CSMD1: variants seen among roughly 807,000 people sequenced by gnomAD.
CSMD1 encodes CUB and Sushi multiple domains 1.
In CSMD1, 213 loss-of-function variants were observed where a neutral mutation model predicts 417.5. The ratio of observed to expected loss-of-function variants is 0.51; its 90% CI spans 0.46 to 0.57. CSMD1 has a LOEUF of 0.57. Among genes scored for constraint, CSMD1 ranks in the 20% least tolerant of loss-of-function variants. The pLI is 0.00. For missense variants in CSMD1, 6,923 were observed against 4,529.7 expected, an observed-to-expected ratio of 1.53 and a Z score of -15.17; for synonymous variants, 2,862 against 1,736.8, an observed-to-expected ratio of 1.65 and a Z score of -16.11.
chr8:4,516,928 C>G (rs969715421), intron 2 of CSMD1, among the ~76,000 whole-genome samples: 1 of 152,028 alleles, frequency 6.6e-6, no homozygotes, highest in Admixed American at 6.5e-5. Flanking sequence ...TCTCATGACT[C>G]AGAATTATTA....
At chr8:4,443,820 G>C (rs886131667) in intron 2 of CSMD1, among the ~76,000 whole-genome samples, 2 of 152,174 alleles carry the variant, frequency 1.3e-5, no homozygotes, top group African/African-American at 4.8e-5. Context: ...CTTATATGGT[G>C]ATCACAGTGT....
chr8:3,047,819 T>A (rs1035763851), intron 50 of CSMD1, among the ~76,000 whole-genome samples: 1 of 152,220 alleles, frequency 6.6e-6, no homozygotes, highest in Non-Finnish European at 1.5e-5. Context: ...AGGAAAACAC[T>A]TGAGTGTGTC....
At chr8:3,248,523 CTTTTTTTT>C (rs10663439) in intron 26 of CSMD1, among the ~76,000 whole-genome samples, 1 of 85,946 alleles carries the variant, frequency 1.2e-5, no homozygotes, top group Non-Finnish European at 2.2e-5. Context: ...AATTCCCTCC[CTTTTTTTT>C]TTTTTTTTTT....
intron 1 of CSMD1, among the ~76,000 whole-genome samples, chr8:4,983,901 A>G (rs1181185641): frequency 6.6e-6 from 1 of 152,136 alleles, no homozygotes; most frequent in Non-Finnish European, 1.5e-5. Flanking sequence ...ACAAAGCTCA[A>G]AGTTATGGTC....
chr8:3,151,241 A>T (rs897677551), intron 40 of CSMD1, 156 bp downstream of exon 40: 1 of 540,654 alleles, frequency 1.8e-6, no homozygotes, highest in Non-Finnish European at 3.3e-6. Context: ...TTCCACTCTC[A>T]AAGTTACTCT....
chr8:3,398,132 T>C (rs1811813007), intron 16 of CSMD1, among the ~76,000 whole-genome samples: 1 of 152,128 alleles, frequency 6.6e-6, no homozygotes, highest in African/African-American at 2.4e-5. Flanking sequence ...GCTAATAGAC[T>C]GGCCAGAGAA....
intron 1 of CSMD1, among the ~76,000 whole-genome samples, chr8:4,773,434 T>C (rs950837843): frequency 3.3e-5 from 5 of 152,172 alleles, no homozygotes; most frequent in Non-Finnish European, 7.4e-5. Context: ...CGTATCGCTG[T>C]TTGGGGGAGG....
chr8:3,155,439 C>T (rs1819466078), intron 39 of CSMD1, among the ~76,000 whole-genome samples: 1 of 124,404 alleles, frequency 8.0e-6, no homozygotes, highest in Non-Finnish European at 1.6e-5. Context: ...GCGATCTTGG[C>T]TCACTGCAAG....
chr8:4,060,918 A>G (rs1444145347), intron 3 of CSMD1, among the ~76,000 whole-genome samples: 1 of 152,220 alleles, frequency 6.6e-6, no homozygotes, highest in African/African-American at 2.4e-5. Context: ...TCCCATTTGC[A>G]GTAGAAGAAA....
chr8:3,245,860 G>A (rs1416772244), intron 26 of CSMD1, among the ~76,000 whole-genome samples: 1 of 152,160 alleles, frequency 6.6e-6, no homozygotes, highest in East Asian at 1.9e-4. Context: ...GCTTGATAAT[G>A]AAAGAGATTT....
At position 3,995,804 on chromosome 8, in the gene CSMD1, T is replaced by C. The variant is rs889630212; in HGVS notation, c.818+2099A>G. On this transcript the variant is annotated intron_variant, in intron 5 of 69. Coordinates refer to ENST00000635120, the MANE Select transcript of CSMD1 (RefSeq NM_033225.6). The stretch of plus-strand genomic sequence containing the variant: ...CTCTATCCCCGGCTAATCATGGCTA[T>C]TTGAAGAGAGCAGCTAAGCTAACAG... Among the ~76,000 whole-genome samples, 3 of 152,308 alleles carry C rather than the reference T, an allele frequency of 2.0e-5. No individual in the cohort carries two copies. The East Asian group carries it at 5.8e-4, about 29-fold the overall frequency.
At chr8:3,204,630 A>G (rs774947149) in intron 31 of CSMD1, among the ~76,000 whole-genome samples, 2 of 152,184 alleles carry the variant, frequency 1.3e-5, no homozygotes, top group African/African-American at 4.8e-5. Flanking sequence ...TGGCTCCCAC[A>G]CACAAGTTTC....
intron 5 of CSMD1, among the ~76,000 whole-genome samples, chr8:3,851,792 T>A (rs1380500176): frequency 2.0e-5 from 3 of 151,930 alleles, no homozygotes; most frequent in African/African-American, 7.3e-5. Flanking sequence ...AAGTCAGGTG[T>A]GAGTAGAACA....
intron 1 of CSMD1, among the ~76,000 whole-genome samples, chr8:4,706,137 T>A (rs886809136): frequency 4.7e-5 from 7 of 150,410 alleles, no homozygotes; most frequent in African/African-American, 1.7e-4. Flanking sequence ...TTACATATTT[T>A]ATATTAAAAT....
chr8:3,027,798 A>G (rs1211057981), intron 51 of CSMD1, among the ~76,000 whole-genome samples: 2 of 152,248 alleles, frequency 1.3e-5, no homozygotes, highest in African/African-American at 4.8e-5. Flanking sequence ...GAATTTCAGA[A>G]GCTGGAAGCA....
At chr8:3,367,356 G>A (rs10096279) in intron 19 of CSMD1, 109 bp from the exon 20 acceptor site, 152,642 of 683,834 alleles carry the variant, frequency 0.22, 17,804 homozygotes, top group African/African-American at 0.3. Flanking sequence ...AGATGACAGA[G>A]ATGGAGAGGA....
At chr8:3,075,730 T>C (rs142473126) in intron 49 of CSMD1, among the ~76,000 whole-genome samples, 1,584 of 152,148 alleles carry the variant, frequency 0.01, 24 homozygotes, top group African/African-American at 0.036. Context: ...TGTATTTTTA[T>C]CTGCAGACAC....
rs148953171 is a variant in CSMD1 at position 3,831,360 on chromosome 8, G to C, written c.819-77318C>G. 2.4e-3 allele frequency among the ~76,000 whole-genome samples: 360 copies of C among 152,260 alleles called. 1 individual carries two copies. The highest frequency in any genetic ancestry group is 8.3e-3 in the African/African-American group (345 of 41,554). On this transcript the variant is annotated intron_variant, in intron 5 of 69. Transcript: ENST00000635120. The stretch of plus-strand genomic sequence containing the variant: ...CCTTCTGGAATTATTAACAGCACTT[G>C]CAAACTCGTCTTTCCAACAGAGACA...
chr8:3,376,651 G>C (rs2116748366), intron 18 of CSMD1, among the ~76,000 whole-genome samples: 2 of 151,984 alleles, frequency 1.3e-5, no homozygotes, highest in South Asian at 4.1e-4. Context: ...CACAAAATTA[G>C]AGGACAATTT....
Sources: allele counts gnomAD v4.1 joint callset (sites outside exome capture counted in the v4.1 genomes callset), GRCh38; gene constraint gnomAD v4.1.1; transcripts MANE v1.5; gene names NCBI Gene and HGNC (gene_info 2026-07-23, HGNC 2026-07-21).